FMN2: variants seen among roughly 807,000 people sequenced by gnomAD.
The protein encoded by FMN2 is formin-2.
A neutral mutation model predicts 142.3 loss-of-function variants in FMN2; 51 were observed. The observed-to-expected ratio is 0.36, with a 90% CI of 0.29 to 0.45. The LOEUF (loss-of-function observed/expected upper bound fraction) is 0.45, where lower values mean the gene tolerates loss of function less well. Ranked by LOEUF, FMN2 falls within the 20% of genes least tolerant of loss-of-function variation. The probability of loss-of-function intolerance (pLI) is 1.00; values close to 1 mark genes in which losing one functional copy is unlikely to be tolerated. For missense variants in FMN2, 1,936 were observed against 2,122.8 expected (o/e 0.91, Z 1.73); for synonymous variants, 882 against 869.8 (o/e 1.01, Z -0.25).
At chr1:240,174,263 T>G (rs555357721) in intron 2 of FMN2, among the ~76,000 whole-genome samples, 2 of 152,320 alleles carry the variant, frequency 1.3e-5, no homozygotes, top group East Asian at 3.9e-4. Context: ...GTAGAAGAAC[T>G]GTAGCTAACT....
At chr1:240,181,782 A>G (rs533805697) in intron 3 of FMN2, among the ~76,000 whole-genome samples, 1 of 152,318 alleles carries the variant, frequency 6.6e-6, no homozygotes, top group South Asian at 2.1e-4. Context: ...CATTGATACA[A>G]AGAAACCCTT....
chr1:240,349,592 C>A (rs958564171), intron 13 of FMN2, among the ~76,000 whole-genome samples: 5 of 152,096 alleles, frequency 3.3e-5, no homozygotes, highest in African/African-American at 1.2e-4. Flanking sequence ...CTGGTGTTTG[C>A]CCCACAACGT....
intron 15 of FMN2, among the ~76,000 whole-genome samples, chr1:240,408,395 AT>A (rs1264242733): frequency 6.6e-6 from 1 of 152,214 alleles, no homozygotes; most frequent in African/African-American, 2.4e-5. Context: ...AACAACAGAG[AT>A]TAGAAAATAA....
chr1:240,123,918 CA>C, intron 2 of FMN2, among the ~76,000 whole-genome samples: 1 of 152,206 alleles, frequency 6.6e-6, no homozygotes, highest in Non-Finnish European at 1.5e-5. Context: ...TGGAATTATA[CA>C]GTATTTGTCC....
chr1:240,225,670 G>A (rs576944507), intron 6 of FMN2, among the ~76,000 whole-genome samples: 1 of 152,230 alleles, frequency 6.6e-6, no homozygotes, highest in African/African-American at 2.4e-5. Context: ...TAAAGAACAG[G>A]AAAGAGTGGC....
chr1:240,154,129 A>AAAAAAAAAAG (rs3047192), intron 2 of FMN2, among the ~76,000 whole-genome samples: 2,667 of 101,590 alleles, frequency 0.026, 419 homozygotes, highest in Middle Eastern at 0.046. Context: ...AAAAAAAAAA[A>AAAAAAAAAAG]AAGTGTTACT....
In FMN2 at chr1:240,334,304, T is replaced by C. The variant is rs1193135674; in HGVS notation, c.4765+75T>C. The C allele has an allele frequency of 1.3e-5, 19 of 1,417,036 alleles. No homozygotes were observed. The East Asian group carries it at 4.2e-4, about 31-fold the overall frequency. 87.8% of individuals were successfully genotyped at this position (1,417,036 alleles called of 1,614,324 possible). A position where few individuals can be genotyped will look rare whatever the true frequency, so the allele number is the denominator to read the frequency against. ...GAGAAGGCAGACTTTTCAATGTTTT[T>C]AGAGAAAAGTAATCTTTTTTATCTT... On this transcript the variant is annotated intron_variant, in intron 13 of 17. Transcript: ENST00000319653.
chr1:240,170,017 T>G (rs1664637711), intron 2 of FMN2: 3 of 549,652 alleles, frequency 5.5e-6, no homozygotes, highest in Non-Finnish European at 9.7e-6. Context: ...GAACTTAAAC[T>G]CAGATTAATT....
At chr1:240,125,340 T>A (rs1054315488) in intron 2 of FMN2, among the ~76,000 whole-genome samples, 12 of 152,260 alleles carry the variant, frequency 7.9e-5, no homozygotes, top group Non-Finnish European at 1.5e-4. Context: ...CCTGCTGCAA[T>A]TTTTTAAAAT....
At chr1:240,413,120 C>CTCAAAAAA (rs1259612812) in intron 15 of FMN2, among the ~76,000 whole-genome samples, 1 of 24,566 alleles carries the variant, frequency 4.1e-5, no homozygotes, top group African/African-American at 1.2e-4. Flanking sequence ...GAGACTCTGT[C>CTCAAAAAA]AAAAAAAAAA....
intron 15 of FMN2, among the ~76,000 whole-genome samples, chr1:240,434,812 TC>T (rs1275330086): frequency 6.6e-6 from 1 of 151,066 alleles, no homozygotes; most frequent in African/African-American, 2.4e-5. Flanking sequence ...GACCTCGTGA[TC>T]CGCTGCCTCA....
chr1:240,277,320 A>C (rs952200731), intron 7 of FMN2, among the ~76,000 whole-genome samples: 2 of 151,934 alleles, frequency 1.3e-5, no homozygotes, highest in Non-Finnish European at 2.9e-5. Context: ...TAATTCTTAG[A>C]ATTTTTTATT....
intron 3 of FMN2, among the ~76,000 whole-genome samples, chr1:240,178,462 T>C (rs1198095759): frequency 1.4e-5 from 2 of 147,810 alleles, no homozygotes; most frequent in East Asian, 2.0e-4. Flanking sequence ...TTTTTTTTTT[T>C]CTGGACAAGG....
At chr1:240,157,979 A>G (rs1382312794) in intron 2 of FMN2, among the ~76,000 whole-genome samples, 3 of 151,002 alleles carry the variant, frequency 2.0e-5, no homozygotes, top group Admixed American at 6.6e-5. Context: ...TCTACTAAAA[A>G]AAAAAAAAAA....
chr1:240,251,819 A>G (rs1668286287), intron 6 of FMN2, among the ~76,000 whole-genome samples: 1 of 152,214 alleles, frequency 6.6e-6, no homozygotes, highest in East Asian at 1.9e-4. Context: ...TTATAAGCGG[A>G]AAGTTTAATC....
At chr1:240,238,041 G>C (rs1365579891) in intron 6 of FMN2, among the ~76,000 whole-genome samples, 5 of 152,124 alleles carry the variant, frequency 3.3e-5, no homozygotes, top group Non-Finnish European at 7.4e-5. Flanking sequence ...CAGATTCTAG[G>C]CATTAAGCAG....
chr1:240,225,868 T>C (rs1315367244), intron 6 of FMN2, among the ~76,000 whole-genome samples: 3 of 152,140 alleles, frequency 2.0e-5, no homozygotes, highest in Admixed American at 6.5e-5. Context: ...ATTGACATTA[T>C]AAAATAATTC....
chr1:240,396,645 C>A (rs1225059733), intron 15 of FMN2, among the ~76,000 whole-genome samples: 2 of 152,038 alleles, frequency 1.3e-5, no homozygotes, highest in Non-Finnish European at 2.9e-5. Flanking sequence ...CTGCTGTTCC[C>A]ATGCTTATGT....
chr1:240,459,901 A>AGTTTCGT (rs1254970388), intron 16 of FMN2, among the ~76,000 whole-genome samples: 1 of 152,124 alleles, frequency 6.6e-6, no homozygotes, highest in Non-Finnish European at 1.5e-5. Flanking sequence ...ACCAAGTTAA[A>AGTTTCGT]GTTTCGTCTC....
Sources: allele counts gnomAD v4.1 joint callset (sites outside exome capture counted in the v4.1 genomes callset), GRCh38; gene constraint gnomAD v4.1.1; transcripts MANE v1.5; gene names NCBI Gene and HGNC (gene_info 2026-07-23, HGNC 2026-07-21).